Variants in TRAPPC9 observed in about 807,000 individuals in gnomAD.
TRAPPC9 encodes the protein trafficking protein particle complex subunit 9.
In TRAPPC9, 83 loss-of-function variants were observed where a neutral mutation model predicts 124.0. The ratio of observed to expected loss-of-function variants is 0.67; its 90% CI spans 0.56 to 0.80. The LOEUF (loss-of-function observed/expected upper bound fraction) is 0.80, where lower values mean the gene tolerates loss of function less well. TRAPPC9 is among the 30% of genes least tolerant of loss of function. TRAPPC9 has a pLI of 0.00. For synonymous variants in TRAPPC9, 638 were observed against 617.5 expected (o/e 1.03, Z -0.49); for missense variants, 1,302 against 1,508.3 (o/e 0.86, Z 2.27).
chr8:140,383,392 T>C (rs1420746970), intron 7 of TRAPPC9, among the ~76,000 whole-genome samples: 1 of 152,088 alleles, frequency 6.6e-6, no homozygotes. Context: ...TCGAACCCAT[T>C]GCAAAGAACT....
intron 6 of TRAPPC9, 119 bp downstream of exon 6, chr8:140,405,458 A>C: frequency 8.9e-7 from 1 of 1,119,976 alleles, no homozygotes; most frequent in Admixed American, 2.0e-5. Flanking sequence ...AGAGAGCAAG[A>C]CATGAATACT....
chr8:140,144,619 G>C (rs1280114873), intron 17 of TRAPPC9, among the ~76,000 whole-genome samples: 1 of 152,086 alleles, frequency 6.6e-6, no homozygotes, highest in East Asian at 1.9e-4. Flanking sequence ...CTCCTGAGTA[G>C]CTGGGATTAC....
chr8:140,382,347 C>T (rs1045198232), intron 7 of TRAPPC9, among the ~76,000 whole-genome samples: 9 of 152,232 alleles, frequency 5.9e-5, no homozygotes, highest in African/African-American at 2.2e-4. Flanking sequence ...GAGGCATCGC[C>T]TCACCCAGGA....
In TRAPPC9 at chr8:139,740,406, G is replaced by A. The variant is rs182474100; in HGVS notation, c.3056-8204C>T. On this transcript the variant is annotated intron_variant, in intron 21 of 22. Transcript: ENST00000438773. ...CACAGAGAAAGGAAGCCATTGGCCAGCCTGTGCATGGGGCCAGGGGGCCAC... is the reference window on the plus strand; with the variant it reads ...CACAGAGAAAGGAAGCCATTGGCCAACCTGTGCATGGGGCCAGGGGGCCAC... Among the ~76,000 whole-genome samples the A allele has an allele frequency of 3.7e-4, 56 of 152,362 alleles. 1 individual carries two copies. The highest frequency in any genetic ancestry group is 3.9e-4 in the Admixed American group (6 of 15,314).
At chr8:139,763,880 C>A (rs1157410796) in intron 21 of TRAPPC9, among the ~76,000 whole-genome samples, 1 of 152,190 alleles carries the variant, frequency 6.6e-6, no homozygotes, top group African/African-American at 2.4e-5. Context: ...TGTTGGGCCT[C>A]AGCAGCCAGA....
intron 1 of TRAPPC9, among the ~76,000 whole-genome samples, chr8:140,454,607 T>G (rs945184254): frequency 8.2e-6 from 1 of 121,336 alleles, no homozygotes; most frequent in Non-Finnish European, 1.6e-5. Flanking sequence ...GCCACTGCAC[T>G]CCAGCCTGGG....
chr8:140,449,180 C>G (rs369849739), intron 2 of TRAPPC9, among the ~76,000 whole-genome samples: 1 of 152,168 alleles, frequency 6.6e-6, no homozygotes, highest in Admixed American at 6.5e-5. Flanking sequence ...ACAACCAGAA[C>G]GACACCGTGT....
rs557122389 is a variant in TRAPPC9, at chr8:139,927,228, G to A, written c.2811-16928C>T. ...CACACTGCTGATGGGAGCATGCAAG[G>A]GAATCTGCTATTTTTTCTTTTCTTT... On this transcript the variant is annotated intron_variant, in intron 19 of 22. Transcript: ENST00000438773. Among the ~76,000 whole-genome samples the A allele has an allele frequency of 1.2e-4, 18 of 151,480 alleles. No homozygotes were observed. In the East Asian group the frequency reaches 3.5e-3, roughly 30 times the overall value.
intron 17 of TRAPPC9, among the ~76,000 whole-genome samples, chr8:140,185,895 T>C (rs2062344382): frequency 6.6e-6 from 1 of 152,134 alleles, no homozygotes; most frequent in Non-Finnish European, 1.5e-5. Context: ...TAGGATGCTG[T>C]TGTGGAGTCC....
chr8:139,840,551 C>T (rs1189337306), intron 21 of TRAPPC9, among the ~76,000 whole-genome samples: 1 of 152,216 alleles, frequency 6.6e-6, no homozygotes, highest in Admixed American at 6.5e-5. Flanking sequence ...GCGAGGGTAG[C>T]GTGTTCCTGG....
intron 8 of TRAPPC9, among the ~76,000 whole-genome samples, chr8:140,370,417 G>A (rs1300394362): frequency 6.6e-6 from 1 of 152,138 alleles, no homozygotes; most frequent in Admixed American, 6.5e-5. Context: ...GGGGATTACA[G>A]GAGTGAGCCA....
chr8:140,321,220 G>A (rs1367855385), intron 9 of TRAPPC9, among the ~76,000 whole-genome samples: 6 of 152,224 alleles, frequency 3.9e-5, no homozygotes, highest in African/African-American at 9.6e-5. Context: ...ATGGGGCTAG[G>A]AGAGCCATGG....
At chr8:140,203,674 G>T (rs899990623) in intron 17 of TRAPPC9, among the ~76,000 whole-genome samples, 2 of 152,256 alleles carry the variant, frequency 1.3e-5, no homozygotes, top group Non-Finnish European at 2.9e-5. Flanking sequence ...CCGCAGAAGA[G>T]ACAGAAGAGA....
chr8:139,946,524 A>G (rs1406836465), intron 19 of TRAPPC9, among the ~76,000 whole-genome samples: 1 of 152,164 alleles, frequency 6.6e-6, no homozygotes, highest in Non-Finnish European at 1.5e-5. Flanking sequence ...GCTATTTACC[A>G]TGAATGCTTA....
chr8:140,285,541 G>A (rs1251714632), intron 13 of TRAPPC9, among the ~76,000 whole-genome samples: 5 of 152,142 alleles, frequency 3.3e-5, no homozygotes, highest in Non-Finnish European at 7.4e-5. Context: ...TTGGCACCGT[G>A]TGTAAGAACC....
intron 19 of TRAPPC9, among the ~76,000 whole-genome samples, chr8:139,919,674 T>C (rs1832384744): frequency 6.6e-6 from 1 of 152,228 alleles, no homozygotes. Context: ...TAGGTAACAC[T>C]TCACTCAAGC....
chr8:139,978,360 C>T (rs1836629173), intron 19 of TRAPPC9, among the ~76,000 whole-genome samples: 1 of 152,200 alleles, frequency 6.6e-6, no homozygotes. Flanking sequence ...AAATAGGTCA[C>T]TGAGACAACC....
intron 2 of TRAPPC9, among the ~76,000 whole-genome samples, chr8:140,441,676 C>T (rs1463355934): frequency 3.3e-5 from 5 of 151,844 alleles, no homozygotes; most frequent in Admixed American, 2.6e-4. Flanking sequence ...GTGATCCTCC[C>T]ACCTCAGCCT....
intron 20 of TRAPPC9, among the ~76,000 whole-genome samples, chr8:139,886,551 C>T (rs1054793121): frequency 1.1e-4 from 16 of 152,172 alleles, no homozygotes; most frequent in African/African-American, 3.9e-4. Flanking sequence ...TATTAAACAG[C>T]CAATGTGATT....
Sources: allele counts gnomAD v4.1 joint callset (sites outside exome capture counted in the v4.1 genomes callset), GRCh38; gene constraint gnomAD v4.1.1; transcripts MANE v1.5; gene names NCBI Gene and HGNC (gene_info 2026-07-23, HGNC 2026-07-21).